The following SUGCT variants were observed in gnomAD, a reference collection of about 807,000 sequenced individuals.
The protein encoded by SUGCT is succinyl-CoA:glutarate-CoA transferase.
In SUGCT, 41 loss-of-function variants were observed where a neutral mutation model predicts 55.0. The ratio of observed to expected loss-of-function variants is 0.74; its 90% CI spans 0.58 to 0.97. The LOEUF is 0.97. Ranked by LOEUF, SUGCT falls within the 50% of genes least tolerant of loss-of-function variation. SUGCT has a pLI of 0.00. For missense variants in SUGCT, 568 were observed against 547.8 expected, an observed-to-expected ratio of 1.04 and a Z score of -0.37; for synonymous variants, 187 against 200.4, an observed-to-expected ratio of 0.93 and a Z score of 0.56.
chr7:41,020,867 C>A, the SUGCT span, among the ~76,000 whole-genome samples: 2,054 of 152,228 alleles, frequency 0.013, 46 homozygotes, highest in African/African-American at 0.047. Context: ...AGAATGAACC[C>A]CTGGACAGAG....
the SUGCT span, among the ~76,000 whole-genome samples, chr7:40,916,715 A>G: frequency 2.6e-5 from 4 of 152,222 alleles, no homozygotes; most frequent in Non-Finnish European, 5.9e-5. Context: ...GTTTGTATGT[A>G]TGTGTACAGA....
chr7:40,490,128 A>G (rs1228057265), intron 11 of SUGCT, among the ~76,000 whole-genome samples: 3 of 152,188 alleles, frequency 2.0e-5, no homozygotes, highest in Non-Finnish European at 4.4e-5. Context: ...TCTGGAATCA[A>G]TCTGAGGAAG....
the SUGCT span, among the ~76,000 whole-genome samples, chr7:40,973,150 C>G: frequency 1.3e-3 from 193 of 152,296 alleles, 2 homozygotes; most frequent in African/African-American, 4.4e-3. Flanking sequence ...AACATTGCCT[C>G]TCCTCCTCTG....
At position 40,625,091 on chromosome 7, in the gene SUGCT, C is replaced by T. The variant is rs114078089; in HGVS notation, c.1090-124343C>T. Among the ~76,000 whole-genome samples the T allele has an allele frequency of 2.6e-3, 392 of 152,218 alleles. 3 individuals are homozygous for T. The highest frequency in any genetic ancestry group is 8.6e-3 in the African/African-American group (358 of 41,526). On this transcript the variant is annotated intron_variant, in intron 12 of 13. Coordinates refer to ENST00000335693, the MANE Select transcript of SUGCT (RefSeq NM_001193313.2). ...ATTGCCTCAATCCCCCATTTCATAT[C>T]TCCTAAAAGGTTCCAATGCCATCCC...
chr7:40,990,347 T>C, the SUGCT span, among the ~76,000 whole-genome samples: 1,349 of 152,338 alleles, frequency 8.9e-3, 20 homozygotes, highest in African/African-American at 0.03. Flanking sequence ...AAAAGGAATC[T>C]TTTTCTTTTT....
At chr7:40,675,992 T>A (rs1010557520) in intron 12 of SUGCT, among the ~76,000 whole-genome samples, 7 of 152,138 alleles carry the variant, frequency 4.6e-5, no homozygotes, top group African/African-American at 1.7e-4. Context: ...GCTAGTCACA[T>A]CTGGAAAGCA....
At chr7:40,859,343 G>A (rs970859469) in intron 13 of SUGCT, among the ~76,000 whole-genome samples, 6 of 152,176 alleles carry the variant, frequency 3.9e-5, no homozygotes, top group African/African-American at 7.2e-5. Flanking sequence ...CAGTTCCAGC[G>A]GACACAGATT....
At chr7:40,935,737 T>C in the SUGCT span, among the ~76,000 whole-genome samples, 4 of 152,224 alleles carry the variant, frequency 2.6e-5, no homozygotes, top group African/African-American at 9.6e-5. Context: ...TGAACATTGT[T>C]TTCAATTACC....
chr7:40,513,513 C>T (rs1054023275), intron 12 of SUGCT, among the ~76,000 whole-genome samples: 1 of 152,086 alleles, frequency 6.6e-6, no homozygotes, highest in African/African-American at 2.4e-5. Flanking sequence ...CCTGAGAGCT[C>T]CATTTCACTT....
chr7:40,390,794 A>G (rs545865294), intron 9 of SUGCT, among the ~76,000 whole-genome samples: 2 of 152,328 alleles, frequency 1.3e-5, no homozygotes, highest in African/African-American at 4.8e-5. Context: ...TTTAGAGTTC[A>G]TATGGAACCA....
chr7:40,281,816 GT>G (rs1300041950), intron 8 of SUGCT, among the ~76,000 whole-genome samples: 1 of 140,352 alleles, frequency 7.1e-6, no homozygotes, highest in African/African-American at 2.5e-5. Flanking sequence ...TTTTTTGTTT[GT>G]TTGTTTTAGA....
intron 12 of SUGCT, among the ~76,000 whole-genome samples, chr7:40,690,447 A>C (rs1784643996): frequency 6.6e-6 from 1 of 152,186 alleles, no homozygotes; most frequent in Non-Finnish European, 1.5e-5. Flanking sequence ...TGCCCAATAC[A>C]TTAATTATAT....
At chr7:40,364,850 C>A (rs1046378776) in intron 9 of SUGCT, among the ~76,000 whole-genome samples, 1 of 152,046 alleles carries the variant, frequency 6.6e-6, no homozygotes. Context: ...GGAACTGGTA[C>A]CATTCCTTCT....
At chr7:40,614,218 C>G (rs111717267) in intron 12 of SUGCT, among the ~76,000 whole-genome samples, 2 of 151,964 alleles carry the variant, frequency 1.3e-5, no homozygotes, top group African/African-American at 4.8e-5. Context: ...GTTCTGCATT[C>G]GAGAAGAGGA....
chr7:40,656,333 A>C (rs1454693312), intron 12 of SUGCT, among the ~76,000 whole-genome samples: 1 of 152,084 alleles, frequency 6.6e-6, no homozygotes, highest in African/African-American at 2.4e-5. Context: ...GGGATATTCC[A>C]AAGTTTGCCT....
intron 12 of SUGCT, among the ~76,000 whole-genome samples, chr7:40,704,506 G>A (rs1197884960): frequency 6.6e-6 from 1 of 152,094 alleles, no homozygotes; most frequent in Non-Finnish European, 1.5e-5. Context: ...GACCACAGGG[G>A]TAGAGGTCAC....
the SUGCT span, among the ~76,000 whole-genome samples, chr7:40,992,486 A>C: frequency 6.6e-6 from 1 of 152,062 alleles, no homozygotes; most frequent in African/African-American, 2.4e-5. Flanking sequence ...TGTTGAAAAC[A>C]CAGCCCATTG....
At chr7:40,197,965 A>G (rs1217886246) in intron 6 of SUGCT, among the ~76,000 whole-genome samples, 1 of 152,236 alleles carries the variant, frequency 6.6e-6, no homozygotes, top group African/African-American at 2.4e-5. Context: ...GTTTTCTTAC[A>G]GTTCTCAAAT....
chr7:40,947,322 T>C, the SUGCT span, among the ~76,000 whole-genome samples: 1 of 152,220 alleles, frequency 6.6e-6, no homozygotes, highest in African/African-American at 2.4e-5. Context: ...TCTATTGACA[T>C]TCTCCAATTG....
Sources: gnomAD v4.1 joint callset for allele counts (sites outside exome capture counted in the v4.1 genomes callset) on GRCh38, gnomAD v4.1.1 for gene constraint, MANE v1.5 for transcripts, NCBI Gene and HGNC (gene_info 2026-07-23, HGNC 2026-07-21) for gene names.